FGD4: variants seen among roughly 807,000 people sequenced by gnomAD.
The protein encoded by FGD4 is FYVE, RhoGEF and PH domain containing 4.
In FGD4, 42 loss-of-function variants were observed where a neutral mutation model predicts 102.0. The observed-to-expected ratio is 0.41, with a 90% CI of 0.32 to 0.53. The LOEUF is 0.53. Ranked by LOEUF, FGD4 falls within the 20% of genes least tolerant of loss-of-function variation. The probability of loss-of-function intolerance (pLI) is 0.21; values close to 1 mark genes in which losing one functional copy is unlikely to be tolerated. For missense variants in FGD4, 902 were observed against 1,078.2 expected, an observed-to-expected ratio of 0.84 and a Z score of 2.29; for synonymous variants, 380 against 375.7, an observed-to-expected ratio of 1.01 and a Z score of -0.13.
At chr12:32,450,419 G>C (rs1942742787) in intron 1 of FGD4, among the ~76,000 whole-genome samples, 2 of 152,100 alleles carry the variant, frequency 1.3e-5, no homozygotes, top group South Asian at 4.1e-4. Flanking sequence ...ATATCAGTGT[G>C]TAGTCACCAT....
chr12:32,422,561 T>C (rs1185698867), intron 1 of FGD4, among the ~76,000 whole-genome samples: 1 of 151,804 alleles, frequency 6.6e-6, no homozygotes, highest in Non-Finnish European at 1.5e-5. Context: ...GCCTCCCAAA[T>C]TGGGAGCTTC....
intron 10 of FGD4, among the ~76,000 whole-genome samples, chr12:32,617,422 A>G (rs1949516021): frequency 6.6e-6 from 1 of 152,234 alleles, no homozygotes; most frequent in Non-Finnish European, 1.5e-5. Context: ...AACATTAATG[A>G]AATTGTCACT....
At chr12:32,594,441 G>T (rs1947712941) in intron 4 of FGD4, among the ~76,000 whole-genome samples, 1 of 152,136 alleles carries the variant, frequency 6.6e-6, no homozygotes, top group Non-Finnish European at 1.5e-5. Context: ...GTCTCCCACT[G>T]ATTCAACATT....
intron 5 of FGD4, among the ~76,000 whole-genome samples, chr12:32,599,386 C>T (rs1321946001): frequency 4.4e-5 from 6 of 137,182 alleles, no homozygotes; most frequent in Non-Finnish European, 9.3e-5. Context: ...CCCAGCTACT[C>T]GGGAGGCTGA....
chr12:32,561,070 G>GTTTTTTTTTTTTTTTTTTTTTTTTTTTT lies in FGD4; in HGVS notation c.167-3063_167-3062insTTTTTTTTTTTTTTTTTTTTTTTTTTTT, dbSNP rs1267043755. Among the ~76,000 whole-genome samples the GTTTTTTTTTTTTTTTTTTTTTTTTTTTT allele has an allele frequency of 5.5e-5, 5 of 90,814 alleles. 1 individual carries two copies. The highest frequency in any genetic ancestry group is 1.7e-4 in the African/African-American group (4 of 24,040). The allele number at this position is 90,814 out of a possible 152,430, so 59.6% of individuals were successfully genotyped here. On this transcript the variant is annotated intron_variant, in intron 1 of 16. Coordinates refer to ENST00000534526, the MANE Select transcript of FGD4 (RefSeq NM_001370298.3). Reference sequence around the variant, plus strand: ...AGCAGAAATGTGGTTTCTTTGTTGGGTTTTGTTTTTTTTTTTTTTTTTTTT... The same window carrying GTTTTTTTTTTTTTTTTTTTTTTTTTTTT: ...AGCAGAAATGTGGTTTCTTTGTTGGGTTTTTTTTTTTTTTTTTTTTTTTTTTTTTTTTGTTTTTTTTTTTTTTTTTTTT...
At chr12:32,508,840 A>G (rs1450159470) in intron 1 of FGD4, among the ~76,000 whole-genome samples, 1 of 152,250 alleles carries the variant, frequency 6.6e-6, no homozygotes, top group Non-Finnish European at 1.5e-5. Context: ...TGTCTGTCTT[A>G]TTCCCACTAC....
At chr12:32,557,769 A>G (rs534261533) in intron 1 of FGD4, among the ~76,000 whole-genome samples, 2 of 152,346 alleles carry the variant, frequency 1.3e-5, no homozygotes, top group South Asian at 2.1e-4. Context: ...GTTGTAAACT[A>G]TGAGTTTTAT....
chr12:32,488,192 C>T (rs1329721184), intron 1 of FGD4, among the ~76,000 whole-genome samples: 1 of 150,342 alleles, frequency 6.7e-6, no homozygotes, highest in Non-Finnish European at 1.5e-5. Context: ...AAAAAAAAGA[C>T]AGAGAAAAAG....
chr12:32,616,962 C>G (rs952737240), intron 10 of FGD4, among the ~76,000 whole-genome samples: 1 of 151,560 alleles, frequency 6.6e-6, no homozygotes, highest in Admixed American at 6.6e-5. Context: ...TCATAACATG[C>G]AGAAGGCAGG....
At chr12:32,595,056 A>G (rs1947778958) in intron 4 of FGD4, among the ~76,000 whole-genome samples, 1 of 151,804 alleles carries the variant, frequency 6.6e-6, no homozygotes, top group Non-Finnish European at 1.5e-5. Flanking sequence ...ACAACACAGC[A>G]AAATAAAACA....
In FGD4 at chr12:32,601,261, A is replaced by G; in HGVS notation, c.1102-17A>G. 1 of 1,612,252 alleles carries G rather than the reference A, an allele frequency of 6.2e-7. No individual in the cohort carries two copies. Among genetic ancestry groups the G allele is most frequent in the Non-Finnish European group, 8.5e-7 (1 of 1,178,848 alleles). On this transcript the variant is annotated splice_polypyrimidine_tract_variant and intron_variant, in intron 5 of 16. Coordinates refer to ENST00000534526, the MANE Select transcript of FGD4 (RefSeq NM_001370298.3). ...CCAATAAATGTGAAGTAATGCTTAC[A>G]TTATTCTTTTATTCAGGTATTTTAT... is the stretch of plus-strand genomic sequence containing the variant.
At chr12:32,527,522 T>C (rs1210369977) in intron 1 of FGD4, among the ~76,000 whole-genome samples, 1 of 152,166 alleles carries the variant, frequency 6.6e-6, no homozygotes, top group East Asian at 1.9e-4. Flanking sequence ...CTCTGCCTCC[T>C]GGGTTCAAGT....
chr12:32,514,209 A>C (rs1939662594), intron 1 of FGD4, among the ~76,000 whole-genome samples: 1 of 152,216 alleles, frequency 6.6e-6, no homozygotes, highest in South Asian at 2.1e-4. Flanking sequence ...CATGTTATCC[A>C]GTCAATCAGT....
chr12:32,400,055 C>A (rs1940584026), intron 1 of FGD4, 96 bp downstream of exon 1: 2 of 1,385,344 alleles, frequency 1.4e-6, no homozygotes, highest in African/African-American at 1.5e-5. Context: ...TCTCGTCCCC[C>A]GCTGCGGAGG....
chr12:32,619,668 T>G (rs902820432), intron 10 of FGD4, 30 bp from the exon 11 acceptor site: 2 of 1,613,286 alleles, frequency 1.2e-6, no homozygotes, highest in Admixed American at 3.3e-5. Context: ...ATTTCTTTTC[T>G]TTACTGATAT....
At chr12:32,622,448 C>T (rs937577443) in intron 11 of FGD4, among the ~76,000 whole-genome samples, 8 of 152,140 alleles carry the variant, frequency 5.3e-5, no homozygotes, top group African/African-American at 1.7e-4. Flanking sequence ...ATATCCAACA[C>T]GGTACTGGAT....
At chr12:32,472,680 C>T (rs1023583725) in intron 1 of FGD4, among the ~76,000 whole-genome samples, 6 of 152,240 alleles carry the variant, frequency 3.9e-5, no homozygotes, top group East Asian at 1.9e-4. Flanking sequence ...AATGCGAGTG[C>T]GGGGCGCAGG....
chr12:32,609,316 C>T (rs115775948), intron 8 of FGD4, among the ~76,000 whole-genome samples: 2,089 of 152,264 alleles, frequency 0.014, 50 homozygotes, highest in African/African-American at 0.048. Flanking sequence ...CAACTACTTC[C>T]TATGAATTCT....
chr12:32,435,570 A>G (rs1407684317), intron 1 of FGD4, among the ~76,000 whole-genome samples: 1 of 150,842 alleles, frequency 6.6e-6, no homozygotes, highest in South Asian at 2.1e-4. Context: ...CCATCATTCG[A>G]ACTTATTTTA....
Sources: gnomAD v4.1 joint callset for allele counts (sites outside exome capture counted in the v4.1 genomes callset) on GRCh38, gnomAD v4.1.1 for gene constraint, MANE v1.5 for transcripts, NCBI Gene and HGNC (gene_info 2026-07-23, HGNC 2026-07-21) for gene names.